UGT2B28: variants seen among roughly 807,000 people sequenced by gnomAD.
UGT2B28 encodes UDP glucuronosyltransferase family 2 member B28.
Under a neutral mutation model 43.6 loss-of-function variants are expected in UGT2B28, and 45 were observed. The ratio of observed to expected loss-of-function variants is 1.03; its 90% CI spans 0.81 to 1.32. The LOEUF (loss-of-function observed/expected upper bound fraction) is 1.32. Among genes scored for constraint, UGT2B28 ranks in the 40% most tolerant of loss-of-function variants. The pLI is 0.00. For synonymous variants in UGT2B28, 204 were observed against 208.1 expected, an observed-to-expected ratio of 0.98 and a Z score of 0.17; for missense variants, 649 against 625.5, an observed-to-expected ratio of 1.04 and a Z score of -0.40.
Position 69,280,722 on chromosome 4 carries a change from C to A in UGT2B28, c.222C>A (p.Leu74=). Residue 74 remains leucine, a synonymous_variant, in exon 1 of 6, where the codon CTC becomes CTA. Coordinates refer to ENST00000335568, the MANE Select transcript of UGT2B28 (RefSeq NM_053039.2). ...CCAATGACGCATTCACTCTTAAACT[C>A]GAAGTTTATCCTACATCTTTAACTA... ...FDPNDAFTLK[L]EVYPTSLTKT... 6.4e-7 allele frequency: 1 copy of A among 1,560,274 alleles called. No individual in the cohort carries two copies. Among genetic ancestry groups the A allele is most frequent in the Non-Finnish European group, 8.7e-7 (1 of 1,155,820 alleles).
At chr4:69,286,325 C>T (rs1204005505) in intron 2 of UGT2B28, among the ~76,000 whole-genome samples, 1 of 140,728 alleles carries the variant, frequency 7.1e-6, no homozygotes, top group Non-Finnish European at 1.5e-5. Flanking sequence ...AAGAATTCTA[C>T]AGAAAACATG....
At position 69,292,886 on chromosome 4, in the gene UGT2B28, A is replaced by T. The variant is rs1277914599; in HGVS notation, c.1311-1644A>T. Among the ~76,000 whole-genome samples, 8 of 140,636 alleles carry T rather than the reference A, an allele frequency of 5.7e-5. 1 individual carries two copies. The highest frequency in any genetic ancestry group is 2.1e-4 in the Admixed American group (3 of 14,044). 92.3% of individuals were successfully genotyped at this position (140,636 alleles called of 152,430 possible). On this transcript the variant is annotated intron_variant, in intron 5 of 5. Coordinates refer to ENST00000335568, the MANE Select transcript of UGT2B28 (RefSeq NM_053039.2). The stretch of plus-strand genomic sequence containing the variant: ...AATTAAAAAAATACACTTCAAAAAA[A>T]TTTAAAGTCAAGAAGTAAATCATAA...
Position 69,286,531 on chromosome 4 carries a change from CTACA to C in UGT2B28, c.871-218_871-215del, listed in dbSNP as rs979633660. Reference sequence around the variant, plus strand: ...CCATTACACACATGCAGACACATACCTACATAAACACACATATTTACACAAATAT... The same window carrying C: ...CCATTACACACATGCAGACACATACCTAAACACACATATTTACACAAATAT... On this transcript the variant is annotated intron_variant, in intron 2 of 5. Coordinates refer to ENST00000335568, the MANE Select transcript of UGT2B28 (RefSeq NM_053039.2). Among the ~76,000 whole-genome samples the C allele has an allele frequency of 6.7e-5, 9 of 134,286 alleles. 3 individuals are homozygous for C. Among genetic ancestry groups the C allele is most frequent in the African/African-American group, 2.1e-4 (7 of 33,494 alleles). 88.1% of individuals were successfully genotyped at this position (134,286 alleles called of 152,430 possible).
rs181712720 is a variant in UGT2B28, at chr4:69,289,800, A to G, written c.1090+48A>G. ...CTGGATATATTAGTAACTGCACATT[A>G]GAATGTTAATAGTTTATCTTGAAAC... On this transcript the variant is annotated intron_variant, in intron 4 of 5. Coordinates refer to ENST00000335568, the MANE Select transcript of UGT2B28 (RefSeq NM_053039.2). 9 of 1,433,294 alleles carry G rather than the reference A, an allele frequency of 6.3e-6. 1 individual carries two copies. The highest frequency in any genetic ancestry group is 7.5e-6 in the Non-Finnish European group (8 of 1,062,118). The allele number at this position is 1,433,294 out of a possible 1,614,324, so 88.8% of individuals were successfully genotyped here.
rs769709804 is a variant in UGT2B28 at position 69,290,593 on chromosome 4, T to C, written c.1092T>C (p.Gly364=). ...TTGCTAAAATTCATCCAATCCTAGG[T>C]CTTCCAAAAACCAGAGCTTTTATAA... ...YKWIPQNDLL[G]LPKTRAFITH... is the part of the protein sequence containing the mutation. The change falls in exon 5 of 6, where the codon GGT becomes GGC. Residue 364 remains glycine, a splice_region_variant and synonymous_variant. Coordinates refer to ENST00000335568, the MANE Select transcript of UGT2B28 (RefSeq NM_053039.2). The C allele has an allele frequency of 3.2e-6, 5 of 1,551,358 alleles. 1 individual carries two copies. In the Admixed American group the frequency reaches 5.4e-5, roughly 17 times the overall value.
rs1321918217 is a variant in UGT2B28, at chr4:69,287,282, GT to G, written c.1002+403del. ...TGTAGTCTTTAGATGACTTTCAAGTGTTTTCAACTAAAAATATATATCCAGA... is the reference window on the plus strand; with the variant it reads ...TGTAGTCTTTAGATGACTTTCAAGTGTTTCAACTAAAAATATATATCCAGA... On this transcript the variant is annotated intron_variant, in intron 3 of 5. Coordinates refer to ENST00000335568, the MANE Select transcript of UGT2B28 (RefSeq NM_053039.2). Among the ~76,000 whole-genome samples, 58 of 140,980 alleles carry G rather than the reference GT, an allele frequency of 4.1e-4. 17 individuals carry two copies. Among genetic ancestry groups the G allele is most frequent in the African/African-American group, 1.5e-3 (54 of 36,236 alleles). 92.5% of individuals were successfully genotyped at this position (140,980 alleles called of 152,430 possible). A position where few individuals can be genotyped will look rare whatever the true frequency, so the allele number is the denominator to read the frequency against.
At position 69,285,684 on chromosome 4, in the gene UGT2B28, A is replaced by G. The variant is rs1444753880; in HGVS notation, c.871-1068A>G. Among the ~76,000 whole-genome samples, 6 of 141,636 alleles carry G rather than the reference A, an allele frequency of 4.2e-5. 2 individuals carry two copies. The highest frequency in any genetic ancestry group is 9.1e-5 in the Non-Finnish European group (6 of 66,082). The allele number at this position is 141,636 out of a possible 152,430, so 92.9% of individuals were successfully genotyped here. ...TGTTTTGTTAAAAACCATTTGGAAA[A>G]GTTTTACCCCAATGATTAAATCTGA... On this transcript the variant is annotated intron_variant, in intron 2 of 5. Transcript: ENST00000335568.
At chr4:69,281,326 T>A in intron 1 of UGT2B28, 105 bp downstream of exon 1, 1 of 1,261,348 alleles carries the variant, frequency 7.9e-7, no homozygotes, top group Non-Finnish European at 1.0e-6. Context: ...TTTTGGTAAG[T>A]GAATTTATGA....
In UGT2B28 at chr4:69,280,698, C is replaced by T. The variant is rs1723571540; in HGVS notation, c.198C>T (p.Pro66=). 6 of 1,560,366 alleles carry T rather than the reference C, an allele frequency of 3.8e-6. No homozygotes were observed. In the East Asian group the frequency reaches 1.1e-4, roughly 30 times the overall value. ...CTTCAGCTTCCATTCTTTTTGATCC[C>T]AATGACGCATTCACTCTTAAACTCG... ...LASSASILFD[P]NDAFTLKLEV... Residue 66 remains proline (P), a synonymous_variant, in exon 1 of 6, where the codon CCC becomes CCT. Coordinates refer to ENST00000335568, the MANE Select transcript of UGT2B28 (RefSeq NM_053039.2).
rs1339396523 is a variant in UGT2B28 at position 69,286,471 on chromosome 4, C to T, written c.871-281C>T. Among the ~76,000 whole-genome samples, 4 of 140,264 alleles carry T rather than the reference C, an allele frequency of 2.9e-5. 1 individual carries two copies. Among genetic ancestry groups the T allele is most frequent in the Admixed American group, 2.1e-4 (3 of 13,982 alleles). The allele number at this position is 140,264 out of a possible 152,430, so 92.0% of individuals were successfully genotyped here. ...CTGGGTATATTTTTTCACATTATCT[C>T]CCTGACTACAATGTAATAGCTCCAT... is the stretch of plus-strand genomic sequence containing the variant. On this transcript the variant is annotated intron_variant, in intron 2 of 5. Transcript: ENST00000335568.
Position 69,286,942 on chromosome 4 carries a change from G to T in UGT2B28, c.1002+59G>T. The T allele has an allele frequency of 4.6e-6, 7 of 1,531,994 alleles. No homozygotes were observed. The South Asian group carries it at 8.5e-5, about 19-fold the overall frequency. 94.9% of individuals were successfully genotyped at this position (1,531,994 alleles called of 1,614,324 possible). The stretch of plus-strand genomic sequence containing the variant: ...ACTGAAAGAGGCTGTTAAAGTTTGA[G>T]ATCTACACAGAAAGAATATTAAGGC... On this transcript the variant is annotated intron_variant, in intron 3 of 5. Transcript: ENST00000335568.
At position 69,294,902 on chromosome 4, in the gene UGT2B28, T is replaced by C; in HGVS notation, c.*93T>C. 1 of 1,370,860 alleles carries C rather than the reference T, an allele frequency of 7.3e-7. No homozygotes were observed. The highest frequency in any genetic ancestry group is 9.4e-7 in the Non-Finnish European group (1 of 1,058,438). 84.9% of individuals were successfully genotyped at this position (1,370,860 alleles called of 1,614,324 possible). On this transcript the variant is annotated 3_prime_UTR_variant, in exon 6 of 6. Transcript: ENST00000335568. Reference sequence around the variant, plus strand: ...GAAAAGATTGTTATGCAAGATTTCTTTCTTCCTGTGACAAAAAAAAAAACT... The same window carrying C: ...GAAAAGATTGTTATGCAAGATTTCTCTCTTCCTGTGACAAAAAAAAAAACT...
intron 3 of UGT2B28, among the ~76,000 whole-genome samples, chr4:69,288,733 C>A (rs1723853444): frequency 7.2e-6 from 1 of 138,892 alleles, no homozygotes; most frequent in Admixed American, 7.3e-5. Context: ...TCCTGATCCT[C>A]TCTTTCCTCC....
intron 5 of UGT2B28, 131 bp from the exon 6 acceptor site, chr4:69,294,398 TA>T (rs1250858707): frequency 9.9e-7 from 1 of 1,010,566 alleles, no homozygotes; most frequent in African/African-American, 2.0e-5. Flanking sequence ...CAAATTAAAA[TA>T]CACAAATTCT....
intron 5 of UGT2B28, 106 bp from the exon 6 acceptor site, chr4:69,294,424 A>C: frequency 8.6e-7 from 1 of 1,162,072 alleles, no homozygotes; most frequent in South Asian, 2.8e-5. Flanking sequence ...CAATTCTTTC[A>C]AATTTACTTT....
In UGT2B28 at chr4:69,286,237, T is replaced by C. The variant is rs181888736; in HGVS notation, c.871-515T>C. Among the ~76,000 whole-genome samples the C allele has an allele frequency of 6.5e-4, 92 of 141,772 alleles. 14 individuals are homozygous for C. The highest frequency in any genetic ancestry group is 2.5e-3 in the African/African-American group (91 of 36,476). The allele number at this position is 141,772 out of a possible 152,430, so 93.0% of individuals were successfully genotyped here. On this transcript the variant is annotated intron_variant, in intron 2 of 5. Coordinates refer to ENST00000335568, the MANE Select transcript of UGT2B28 (RefSeq NM_053039.2). ...TTGTAGAGGAACATAAATGTAGATATAAAATTATCCCAACTGTGAATAGCT... is the reference window on the plus strand; with the variant it reads ...TTGTAGAGGAACATAAATGTAGATACAAAATTATCCCAACTGTGAATAGCT...
chr4:69,283,064 A>G (rs1459332121), intron 2 of UGT2B28, among the ~76,000 whole-genome samples: 5 of 140,790 alleles, frequency 3.6e-5, no homozygotes, highest in African/African-American at 5.5e-5. Flanking sequence ...TAGAAAAGTA[A>G]CTAATGAAAA....
intron 5 of UGT2B28, among the ~76,000 whole-genome samples, 193 bp downstream of exon 5, chr4:69,291,004 A>T (rs1392604080): frequency 7.1e-6 from 1 of 140,366 alleles, no homozygotes; most frequent in African/African-American, 2.8e-5. Context: ...CTAATGAGTA[A>T]CCAGTTAGTG....
intron 2 of UGT2B28, among the ~76,000 whole-genome samples, chr4:69,285,780 C>T (rs1723756726): frequency 7.1e-6 from 1 of 140,740 alleles, no homozygotes; most frequent in Non-Finnish European, 1.5e-5. Context: ...CAATTGCAGC[C>T]AAGCACATCT....
Sources: allele counts gnomAD v4.1 joint callset (sites outside exome capture counted in the v4.1 genomes callset), GRCh38; gene constraint gnomAD v4.1.1; transcripts MANE v1.5; gene names NCBI Gene and HGNC (gene_info 2026-07-23, HGNC 2026-07-21).